The following ZNF33B variants were observed in gnomAD, a reference collection of about 807,000 sequenced individuals.
ZNF33B encodes zinc finger protein 11b (KOX 2).
ZNF33B carries 29 observed loss-of-function variants against 45.8 expected under a neutral mutation model. The observed-to-expected ratio is 0.63, with a 90% CI of 0.47 to 0.86. The LOEUF (loss-of-function observed/expected upper bound fraction) is 0.86. ZNF33B is among the 40% of genes least tolerant of loss of function. ZNF33B has a pLI of 0.00. For missense variants in ZNF33B, 831 were observed against 909.9 expected (o/e 0.91, Z 1.12); for synonymous variants, 305 against 307.8 (o/e 0.99, Z 0.10).
intron 1 of ZNF33B, among the ~76,000 whole-genome samples, 165 bp downstream of exon 1, chr10:42,638,309 G>A (rs1358775534): frequency 1.3e-5 from 2 of 152,274 alleles, no homozygotes; most frequent in East Asian, 1.9e-4. Context: ...CGCCTTAGAG[G>A]AACTGGCGTA....
chr10:42,586,534 T>A (rs1836939588), downstream of ZNF33B, among the ~76,000 whole-genome samples: 1 of 152,218 alleles, frequency 6.6e-6, no homozygotes, highest in Non-Finnish European at 1.5e-5. Context: ...AGCCTTGAAT[T>A]CCCGGGCTCA....
chr10:42,589,427 C>T lies in ZNF33B; in HGVS notation c.*3186G>A, dbSNP rs1305920872. 1 of 152,162 alleles carries T rather than the reference C, an allele frequency of 6.6e-6. No individual in the cohort carries two copies. The highest frequency in any genetic ancestry group is 2.4e-5 in the African/African-American group (1 of 41,432). The allele number at this position is 152,162 out of a possible 1,614,324, so 9.4% of individuals were successfully genotyped here. A position where few individuals can be genotyped will look rare whatever the true frequency, so the allele number is the denominator to read the frequency against. ...TACCCTACAGAGTACTTTCACTGTC[C>T]TAAAAATCACCTACCTGCCATCCCT... On this transcript the variant is annotated 3_prime_UTR_variant, in exon 5 of 5. Coordinates refer to ENST00000359467, the MANE Select transcript of ZNF33B (RefSeq NM_006955.3).
downstream of ZNF33B, among the ~76,000 whole-genome samples, chr10:42,585,834 G>A (rs17157528): frequency 0.07 from 10,652 of 152,188 alleles, 706 homozygotes; most frequent in African/African-American, 0.17. Context: ...TTCCATTCAA[G>A]TGGTACCCAT....
chr10:42,604,388 T>C (rs1837754014), intron 4 of ZNF33B, among the ~76,000 whole-genome samples: 1 of 151,452 alleles, frequency 6.6e-6, no homozygotes. Context: ...GAGGTTGCAG[T>C]GAGCTGACAT....
chr10:42,598,734 C>T lies in ZNF33B; in HGVS notation c.251-4035G>A, dbSNP rs140985848. Among the ~76,000 whole-genome samples, 126 of 152,296 alleles carry T rather than the reference C, an allele frequency of 8.3e-4. 1 individual carries two copies. The Middle Eastern group carries it at 0.024, about 29-fold the overall frequency. On this transcript the variant is annotated intron_variant, in intron 4 of 4. Transcript: ENST00000359467. Reference sequence around the variant, plus strand: ...CTTTTCAAATGTTGAAAAAGCCTGCCAGGGATTAACCACACTTGGTCATGA... The same window carrying T: ...CTTTTCAAATGTTGAAAAAGCCTGCTAGGGATTAACCACACTTGGTCATGA...
intron 4 of ZNF33B, among the ~76,000 whole-genome samples, chr10:42,612,711 C>T (rs1346358922): frequency 2.6e-5 from 4 of 152,092 alleles, no homozygotes; most frequent in Non-Finnish European, 1.5e-5. Flanking sequence ...AAAAAATAGC[C>T]TTTTAAAAAA....
intron 4 of ZNF33B, among the ~76,000 whole-genome samples, chr10:42,607,997 G>A (rs61842933): frequency 0.018 from 2,688 of 152,214 alleles, 35 homozygotes; most frequent in Non-Finnish European, 0.027. Context: ...TTGAAAATTT[G>A]AAAACAGAAA....
intron 4 of ZNF33B, among the ~76,000 whole-genome samples, chr10:42,598,162 T>G (rs1483742028): frequency 1.3e-5 from 2 of 152,234 alleles, no homozygotes; most frequent in East Asian, 3.8e-4. Flanking sequence ...AGAATTCTAG[T>G]AACTGCCTAG....
At chr10:42,583,820 G>A (rs1451406460) in intron 1 of ZNF33B, among the ~76,000 whole-genome samples, 1 of 151,966 alleles carries the variant, frequency 6.6e-6, no homozygotes, top group Non-Finnish European at 1.5e-5. Context: ...ACAGATGAGG[G>A]AATGAAGCTG....
intron 4 of ZNF33B, among the ~76,000 whole-genome samples, chr10:42,606,114 T>C (rs1293062987): frequency 2.7e-5 from 4 of 148,216 alleles, no homozygotes; most frequent in South Asian, 2.1e-4. Flanking sequence ...AAGAAATACA[T>C]TGATAAACAA....
intron 2 of ZNF33B, among the ~76,000 whole-genome samples, chr10:42,636,644 A>G (rs1286038624): frequency 6.6e-6 from 1 of 152,180 alleles, no homozygotes; most frequent in Admixed American, 6.5e-5. Context: ...CAACACGGTG[A>G]ACACATCTCT....
At chr10:42,615,108 A>G (rs1474123880) in intron 4 of ZNF33B, among the ~76,000 whole-genome samples, 18 of 152,222 alleles carry the variant, frequency 1.2e-4, no homozygotes, top group Admixed American at 1.2e-3. Flanking sequence ...TGGAAAATTC[A>G]TGCATTGCTG....
chr10:42,620,406 G>T (rs1193378894), intron 4 of ZNF33B, among the ~76,000 whole-genome samples: 4 of 151,698 alleles, frequency 2.6e-5, no homozygotes, highest in African/African-American at 4.8e-5. Context: ...GGATTTGATT[G>T]ATTTATTTAT....
chr10:42,612,709 G>A (rs1034207761), intron 4 of ZNF33B, among the ~76,000 whole-genome samples: 11 of 152,140 alleles, frequency 7.2e-5, no homozygotes, highest in African/African-American at 2.7e-4. Context: ...AGAAAAAATA[G>A]CCTTTTAAAA....
chr10:42,631,499 T>C (rs1181796021), intron 4 of ZNF33B, among the ~76,000 whole-genome samples: 1 of 152,206 alleles, frequency 6.6e-6, no homozygotes. Flanking sequence ...ATGCCTGGCC[T>C]AATTTTTTTC....
intron 4 of ZNF33B, among the ~76,000 whole-genome samples, chr10:42,624,422 T>C (rs1001944409): frequency 6.6e-6 from 1 of 152,230 alleles, no homozygotes; most frequent in African/African-American, 2.4e-5. Flanking sequence ...GCTATTAATA[T>C]ATACATACAG....
chr10:42,599,771 A>T (rs2132058520), intron 4 of ZNF33B, among the ~76,000 whole-genome samples: 1 of 152,214 alleles, frequency 6.6e-6, no homozygotes, highest in Middle Eastern at 3.4e-3. Context: ...CCCAAAAGTA[A>T]GTAGCAAAAA....
At chr10:42,601,468 G>GTTTTTTTTTTTTTTTTTTTTTTTTTTTTT (rs57196690) in intron 4 of ZNF33B, among the ~76,000 whole-genome samples, 1 of 79,444 alleles carries the variant, frequency 1.3e-5, no homozygotes, top group Non-Finnish European at 2.3e-5. Flanking sequence ...ACATGGGCTT[G>GTTTTTTTTTTTTTTTTTTTTTTTTTTTTT]TTTTTTTTTT....
chr10:42,587,225 A>T (rs1263858839), downstream of ZNF33B, among the ~76,000 whole-genome samples: 1 of 152,128 alleles, frequency 6.6e-6, no homozygotes, highest in Non-Finnish European at 1.5e-5. Flanking sequence ...TTTGAGATGG[A>T]GTCTTGCTCT....
Sources: gnomAD v4.1 joint callset for allele counts (sites outside exome capture counted in the v4.1 genomes callset) on GRCh38, gnomAD v4.1.1 for gene constraint, MANE v1.5 for transcripts, NCBI Gene and HGNC (gene_info 2026-07-23, HGNC 2026-07-21) for gene names.